Variants in STAU2 observed in about 807,000 individuals in gnomAD.
STAU2 encodes the protein staufen double-stranded RNA binding protein 2.
In STAU2, 20 loss-of-function variants were observed where a neutral mutation model predicts 65.9. That is an observed-to-expected ratio of 0.30 (90% CI 0.21 to 0.44). The LOEUF (loss-of-function observed/expected upper bound fraction) is 0.44, where lower values mean the gene tolerates loss of function less well. STAU2 is among the 20% of genes least tolerant of loss of function. STAU2 has a pLI of 1.00. For synonymous variants in STAU2, 232 were observed against 233.9 expected (o/e 0.99, Z 0.07); for missense variants, 558 against 683.9 (o/e 0.82, Z 2.05).
At chr8:73,587,889 A>C (rs67975631) in intron 11 of STAU2, among the ~76,000 whole-genome samples, 17,835 of 152,132 alleles carry the variant, frequency 0.12, 1,369 homozygotes, top group Non-Finnish European at 0.17. Context: ...TTATACTATT[A>C]ATCTTGTATA....
chr8:73,595,226 T>C lies in STAU2; in HGVS notation c.1101A>G (p.Glu367=). ...NKKIAKKNAA[E]AMLLQLGYKA... ...TATAACCAAGTTGTAACAGCATTGC[T>C]TCTGCAGCATTTTTTTTGGCTATCT... Residue 367 remains glutamate (E), a synonymous_variant, in exon 11 of 15, where the codon GAA becomes GAG. Coordinates refer to ENST00000524300, the MANE Select transcript of STAU2 (RefSeq NM_001164380.2). The C allele has an allele frequency of 6.2e-7, 1 of 1,612,148 alleles. No homozygotes were observed. Among genetic ancestry groups the C allele is most frequent in the Non-Finnish European group, 8.5e-7 (1 of 1,179,290 alleles).
rs376437571 is a variant in STAU2 at position 73,511,177 on chromosome 8, C to G, written c.1530+40835G>C. 2.6e-5 allele frequency: 4 copies of G among 152,826 alleles called. No homozygotes were observed. The East Asian group carries it at 7.7e-4, about 30-fold the overall frequency. 9.5% of individuals were successfully genotyped at this position (152,826 alleles called of 1,614,324 possible). ...TGAAAAAGTGAGGAAACTAAACATG[C>G]AGTGTTGTGCTTACTTCTAAGCAAT... is the stretch of plus-strand genomic sequence containing the variant. On this transcript the variant is annotated intron_variant, in intron 13 of 14. Coordinates refer to ENST00000524300, the MANE Select transcript of STAU2 (RefSeq NM_001164380.2).
intron 13 of STAU2, among the ~76,000 whole-genome samples, chr8:73,457,141 G>A (rs1312442441): frequency 2.0e-5 from 3 of 152,170 alleles, no homozygotes; most frequent in South Asian, 2.1e-4. Flanking sequence ...GGATAGAAAC[G>A]ATGACTGTGC....
At chr8:73,595,372 G>T in intron 10 of STAU2, 75 bp from the exon 11 acceptor site, 1 of 1,326,632 alleles carries the variant, frequency 7.5e-7, no homozygotes, top group Non-Finnish European at 1.0e-6. Flanking sequence ...ACATCATAAA[G>T]CAATTCTACT....
intron 13 of STAU2, chr8:73,440,629 C>T (rs1250752077): frequency 6.6e-6 from 1 of 152,342 alleles, no homozygotes; most frequent in African/African-American, 2.4e-5. Flanking sequence ...GAGACACAAG[C>T]TGTACCTTCC....
intron 13 of STAU2, among the ~76,000 whole-genome samples, chr8:73,535,070 T>G (rs927333399): frequency 6.6e-6 from 1 of 152,232 alleles, no homozygotes; most frequent in Non-Finnish European, 1.5e-5. Context: ...AAAAATTGTC[T>G]AACAAATGAA....
chr8:73,506,097 C>T (rs1822051111), intron 13 of STAU2, among the ~76,000 whole-genome samples: 1 of 152,094 alleles, frequency 6.6e-6, no homozygotes, highest in Non-Finnish European at 1.5e-5. Context: ...GCTAATGAAC[C>T]CTATTTTCTT....
intron 13 of STAU2, among the ~76,000 whole-genome samples, chr8:73,472,854 G>A (rs953581744): frequency 1.4e-4 from 22 of 152,048 alleles, no homozygotes; most frequent in African/African-American, 5.1e-4. Context: ...TCACCAAGAA[G>A]AATTCATTAA....
chr8:73,642,007 C>T (rs1235765925), intron 6 of STAU2, among the ~76,000 whole-genome samples: 1 of 152,186 alleles, frequency 6.6e-6, no homozygotes, highest in Non-Finnish European at 1.5e-5. Flanking sequence ...TTTAAGTAGA[C>T]ATCATTTCTC....
chr8:73,429,869 G>A (rs1384249920), intron 13 of STAU2, among the ~76,000 whole-genome samples: 1 of 152,046 alleles, frequency 6.6e-6, no homozygotes, highest in South Asian at 2.1e-4. Context: ...ATTACTTGAG[G>A]TAAGCTCATA....
At chr8:73,578,137 TA>T (rs1221063726) in intron 12 of STAU2, among the ~76,000 whole-genome samples, 1 of 152,096 alleles carries the variant, frequency 6.6e-6, no homozygotes, top group Non-Finnish European at 1.5e-5. Flanking sequence ...TTTCCATTTT[TA>T]AAAAAAATGT....
chr8:73,640,980 G>A (rs1417441455), intron 6 of STAU2, among the ~76,000 whole-genome samples: 1 of 152,022 alleles, frequency 6.6e-6, no homozygotes, highest in Non-Finnish European at 1.5e-5. Flanking sequence ...AAACAGAAAA[G>A]TGTTGTTTCA....
chr8:73,523,196 CAAAA>C (rs763732188), intron 13 of STAU2, among the ~76,000 whole-genome samples: 7 of 78,622 alleles, frequency 8.9e-5, no homozygotes, highest in African/African-American at 3.0e-4. Context: ...ACTTTGTCTC[CAAAA>C]AAAAAAAAAA....
Position 73,543,855 on chromosome 8 carries a change from C to T in STAU2, c.1530+8157G>A, listed in dbSNP as rs574577052. Among the ~76,000 whole-genome samples, 4 of 152,266 alleles carry T rather than the reference C, an allele frequency of 2.6e-5. No homozygotes were observed. The South Asian group carries it at 8.3e-4, about 32-fold the overall frequency. ...GCAATATTAACTGTTTCTATGGCTT[C>T]AGTTATATCTATACACTGATGACTC... On this transcript the variant is annotated intron_variant, in intron 13 of 14. Coordinates refer to ENST00000524300, the MANE Select transcript of STAU2 (RefSeq NM_001164380.2).
chr8:73,466,521 C>T (rs750742773), intron 13 of STAU2, among the ~76,000 whole-genome samples: 15 of 152,112 alleles, frequency 9.9e-5, no homozygotes, highest in African/African-American at 1.7e-4. Context: ...AAGAGGTTGG[C>T]GAATGGAAGA....
intron 13 of STAU2, among the ~76,000 whole-genome samples, chr8:73,535,964 C>T (rs1360799791): frequency 6.6e-6 from 1 of 151,328 alleles, no homozygotes; most frequent in African/African-American, 2.4e-5. Context: ...TTCATAATGG[C>T]ATTTAATTTT....
intron 5 of STAU2, among the ~76,000 whole-genome samples, chr8:73,673,533 A>T (rs940807733): frequency 1.3e-5 from 2 of 152,148 alleles, no homozygotes; most frequent in Admixed American, 1.3e-4. Context: ...CTAACCGTGA[A>T]TATTATTTTT....
At chr8:73,663,134 T>C (rs1331868525) in intron 6 of STAU2, among the ~76,000 whole-genome samples, 1 of 152,078 alleles carries the variant, frequency 6.6e-6, no homozygotes, top group East Asian at 1.9e-4. Context: ...GGCCATATGA[T>C]CTATTACATC....
intron 1 of STAU2, among the ~76,000 whole-genome samples, chr8:73,744,307 T>C (rs1196064902): frequency 3.3e-5 from 5 of 152,150 alleles, no homozygotes; most frequent in Non-Finnish European, 7.4e-5. Flanking sequence ...CAAATATATC[T>C]ATATGTGAAT....
Sources: allele counts gnomAD v4.1 joint callset (sites outside exome capture counted in the v4.1 genomes callset), GRCh38; gene constraint gnomAD v4.1.1; transcripts MANE v1.5; gene names NCBI Gene and HGNC (gene_info 2026-07-23, HGNC 2026-07-21).